The following ITGA9 variants were observed in gnomAD, a reference collection of about 807,000 sequenced individuals.
ITGA9 encodes integrin alpha-9.
In ITGA9, 56 loss-of-function variants were observed where a neutral mutation model predicts 127.8. The ratio of observed to expected loss-of-function variants is 0.44; its 90% CI spans 0.35 to 0.55. The LOEUF (loss-of-function observed/expected upper bound fraction) is 0.55. Among genes scored for constraint, ITGA9 ranks in the 20% least tolerant of loss-of-function variants. The pLI, the probability that ITGA9 is intolerant of heterozygous loss-of-function variation, is 0.00. For missense variants in ITGA9, 1,196 were observed against 1,347.1 expected, an observed-to-expected ratio of 0.89 and a Z score of 1.76; for synonymous variants, 508 against 514.5, an observed-to-expected ratio of 0.99 and a Z score of 0.17.
chr3:37,704,664 A>G (rs879772609), intron 18 of ITGA9, among the ~76,000 whole-genome samples: 1 of 152,180 alleles, frequency 6.6e-6, no homozygotes, highest in Non-Finnish European at 1.5e-5. Context: ...CCCCTACAGA[A>G]ATACAACACC....
At chr3:37,668,075 C>T (rs1381628424) in intron 17 of ITGA9, among the ~76,000 whole-genome samples, 3 of 152,092 alleles carry the variant, frequency 2.0e-5, no homozygotes, top group Non-Finnish European at 2.9e-5. Flanking sequence ...TTTTCAGGGC[C>T]CACCATACAT....
At chr3:37,593,881 TCCTTGG>T (rs11281473) in intron 15 of ITGA9, among the ~76,000 whole-genome samples, 1 of 151,490 alleles carries the variant, frequency 6.6e-6, no homozygotes, top group Non-Finnish European at 1.5e-5. Context: ...TCCTCTGCTC[TCCTTGG>T]CCTTGGCCTC....
At chr3:37,649,265 T>C (rs1396959337) in intron 16 of ITGA9, among the ~76,000 whole-genome samples, 1 of 151,712 alleles carries the variant, frequency 6.6e-6, no homozygotes, top group Non-Finnish European at 1.5e-5. Context: ...ACCTTCCCAA[T>C]AAAAAGATAC....
intron 17 of ITGA9, among the ~76,000 whole-genome samples, chr3:37,656,572 A>G (rs1293015954): frequency 6.6e-6 from 1 of 152,212 alleles, no homozygotes; most frequent in African/African-American, 2.4e-5. Context: ...GTTGCTTATC[A>G]GCTTAAGGAG....
chr3:37,648,733 A>G (rs773346428), intron 16 of ITGA9, among the ~76,000 whole-genome samples: 1 of 152,228 alleles, frequency 6.6e-6, no homozygotes, highest in Non-Finnish European at 1.5e-5. Flanking sequence ...ATAGCACAAG[A>G]GAGCATAATA....
At chr3:37,477,379 G>A (rs192948316) in intron 3 of ITGA9, among the ~76,000 whole-genome samples, 1 of 152,264 alleles carries the variant, frequency 6.6e-6, no homozygotes, top group Admixed American at 6.5e-5. Context: ...GCTGCAATGG[G>A]GCGTGAAATG....
Position 37,736,945 on chromosome 3 carries a change from G to C in ITGA9, c.2196G>C (p.Gly732=). 6.2e-7 allele frequency: 1 copy of C among 1,613,684 alleles called. No homozygotes were observed. Among genetic ancestry groups the C allele is most frequent in the South Asian group, 1.1e-5 (1 of 91,060 alleles). The change falls in exon 20 of 28, where the codon GGG becomes GGC. Residue 732 remains glycine (G), a synonymous_variant. Coordinates refer to ENST00000264741, the MANE Select transcript of ITGA9 (RefSeq NM_002207.3). ...TCTTTGATACAAGCCACCTGTCTGG[G>C]GAAGAGGAAGTTCTCAGCTTCATTG... The part of the protein sequence containing the change: ...SVIFDTSHLS[G]EEEVLSFIVT...
chr3:37,779,599 T>G (rs973803171), intron 24 of ITGA9, among the ~76,000 whole-genome samples: 1 of 151,950 alleles, frequency 6.6e-6, no homozygotes, highest in African/African-American at 2.4e-5. Flanking sequence ...AAATTTAAGT[T>G]TGTGGGTTTA....
intron 16 of ITGA9, among the ~76,000 whole-genome samples, chr3:37,648,111 A>G (rs911954753): frequency 1.3e-5 from 2 of 152,140 alleles, no homozygotes; most frequent in Non-Finnish European, 2.9e-5. Flanking sequence ...TACTTTTTTC[A>G]TAATGGCTGT....
intron 15 of ITGA9, among the ~76,000 whole-genome samples, chr3:37,608,267 G>A (rs991171717): frequency 2.6e-5 from 4 of 152,128 alleles, no homozygotes; most frequent in African/African-American, 9.7e-5. Context: ...TATAAAAAGT[G>A]TTAATAATTT....
At chr3:37,621,610 C>G (rs1024227146) in intron 15 of ITGA9, among the ~76,000 whole-genome samples, 3 of 152,146 alleles carry the variant, frequency 2.0e-5, no homozygotes, top group African/African-American at 7.2e-5. Flanking sequence ...AAACCATTCC[C>G]AAATATCCAG....
intron 5 of ITGA9, among the ~76,000 whole-genome samples, chr3:37,496,857 T>C (rs1259284577): frequency 6.6e-6 from 1 of 152,178 alleles, no homozygotes; most frequent in Non-Finnish European, 1.5e-5. Flanking sequence ...CAAGTGTTTC[T>C]TTAGAAGAGA....
At chr3:37,703,023 C>A (rs1050335047) in intron 18 of ITGA9, among the ~76,000 whole-genome samples, 3 of 152,102 alleles carry the variant, frequency 2.0e-5, no homozygotes, top group Non-Finnish European at 4.4e-5. Flanking sequence ...CTGCTGCTGC[C>A]TCTACTCCCT....
At chr3:37,817,981 C>G (rs1179689401) in intron 27 of ITGA9, among the ~76,000 whole-genome samples, 5 of 151,916 alleles carry the variant, frequency 3.3e-5, no homozygotes, top group African/African-American at 9.7e-5. Flanking sequence ...TAAATGACAG[C>G]AAGGTAGAAT....
chr3:37,576,629 C>T (rs1699656554), intron 15 of ITGA9, among the ~76,000 whole-genome samples: 1 of 152,196 alleles, frequency 6.6e-6, no homozygotes, highest in Non-Finnish European at 1.5e-5. Context: ...GTTTTTGAGA[C>T]AGGATCTGGC....
intron 26 of ITGA9, among the ~76,000 whole-genome samples, chr3:37,791,520 C>T (rs779808385): frequency 4.6e-5 from 7 of 152,188 alleles, no homozygotes; most frequent in South Asian, 2.1e-4. Context: ...CTATAGGCTG[C>T]GTCCAGGCGC....
intron 27 of ITGA9, among the ~76,000 whole-genome samples, chr3:37,817,168 A>G (rs1319275627): frequency 6.6e-6 from 1 of 152,158 alleles, no homozygotes; most frequent in Non-Finnish European, 1.5e-5. Context: ...AGACAACAAA[A>G]ACATTTGATG....
intron 15 of ITGA9, among the ~76,000 whole-genome samples, chr3:37,624,396 C>A (rs915481314): frequency 2.0e-5 from 3 of 151,576 alleles, no homozygotes; most frequent in Non-Finnish European, 4.4e-5. Flanking sequence ...AGATGAGGTC[C>A]CCTCTTCTCC....
At chr3:37,632,738 G>A (rs1268932451) in intron 16 of ITGA9, among the ~76,000 whole-genome samples, 2 of 152,178 alleles carry the variant, frequency 1.3e-5, no homozygotes, top group Non-Finnish European at 2.9e-5. Context: ...TGGAGGATAA[G>A]TCAGCTTACA....
Sources: gnomAD v4.1 joint callset for allele counts (sites outside exome capture counted in the v4.1 genomes callset) on GRCh38, gnomAD v4.1.1 for gene constraint, MANE v1.5 for transcripts, NCBI Gene and HGNC (gene_info 2026-07-23, HGNC 2026-07-21) for gene names.